KCND2: variants seen among roughly 807,000 people sequenced by gnomAD.
The protein encoded by KCND2 is A-type voltage-gated potassium channel KCND2.
A neutral mutation model predicts 54.4 loss-of-function variants in KCND2; 16 were observed. The observed-to-expected ratio is 0.29, with a 90% CI of 0.20 to 0.45. The LOEUF (loss-of-function observed/expected upper bound fraction) is 0.45. KCND2 is among the 20% of genes least tolerant of loss of function. The probability of loss-of-function intolerance (pLI) is 1.00; values close to 1 mark genes in which losing one functional copy is unlikely to be tolerated. For synonymous variants in KCND2, 317 were observed against 310.7 expected (o/e 1.02, Z -0.21); for missense variants, 486 against 824.2 (o/e 0.59, Z 5.02).
chr7:120,612,184 T>A (rs1169976625), intron 1 of KCND2, among the ~76,000 whole-genome samples: 1 of 152,204 alleles, frequency 6.6e-6, no homozygotes, highest in East Asian at 1.9e-4. Flanking sequence ...AATTTGTATA[T>A]CAAGGGTTGG....
At chr7:120,658,779 A>C (rs141121277) in intron 1 of KCND2, among the ~76,000 whole-genome samples, 206 of 152,344 alleles carry the variant, frequency 1.4e-3, no homozygotes, top group African/African-American at 4.4e-3. Flanking sequence ...ACTGCCTTAC[A>C]TCAAAATACT....
intron 1 of KCND2, among the ~76,000 whole-genome samples, chr7:120,716,994 CAG>C (rs1792611219): frequency 1.3e-5 from 2 of 152,102 alleles, no homozygotes; most frequent in South Asian, 4.2e-4. Flanking sequence ...ATATTAATGA[CAG>C]TAATTAATAA....
chr7:120,480,473 G>A (rs1231060726), intron 1 of KCND2, among the ~76,000 whole-genome samples: 1 of 152,128 alleles, frequency 6.6e-6, no homozygotes, highest in Non-Finnish European at 1.5e-5. Flanking sequence ...GCAAATAAAT[G>A]AGCAGATTGA....
At position 120,512,801 on chromosome 7, in the gene KCND2, CTTTTTTT is replaced by C. The variant is rs796237031; in HGVS notation, c.1116-220093_1116-220087del. 8.7e-3 allele frequency among the ~76,000 whole-genome samples: 1,195 copies of C among 137,418 alleles called. 18 individuals carry two copies. Among genetic ancestry groups the C allele is most frequent in the African/African-American group, 0.029 (1,097 of 37,552 alleles). 90.2% of individuals were successfully genotyped at this position (137,418 alleles called of 152,430 possible). A position where few individuals can be genotyped will look rare whatever the true frequency, so the allele number is the denominator to read the frequency against. ...AGGATGCCTTTGAGGTTTCTTTTTT[CTTTTTTT>C]TTTTTTTTGGAGACAGATTCTTGCT... is the stretch of plus-strand genomic sequence containing the variant. On this transcript the variant is annotated intron_variant, in intron 1 of 5. Transcript: ENST00000331113.
intron 1 of KCND2, among the ~76,000 whole-genome samples, chr7:120,653,475 G>C (rs1224173575): frequency 6.6e-6 from 1 of 152,156 alleles, no homozygotes; most frequent in Non-Finnish European, 1.5e-5. Context: ...TTGGACCTGA[G>C]AGATGGCTTC....
chr7:120,639,300 T>C (rs954683360), intron 1 of KCND2, among the ~76,000 whole-genome samples: 10 of 152,182 alleles, frequency 6.6e-5, no homozygotes, highest in African/African-American at 1.9e-4. Context: ...TCTTTTACTA[T>C]GGGAACTTAG....
At chr7:120,309,956 A>C (rs1334515648) in intron 1 of KCND2, among the ~76,000 whole-genome samples, 1 of 152,126 alleles carries the variant, frequency 6.6e-6, no homozygotes, top group Non-Finnish European at 1.5e-5. Flanking sequence ...TACTCTTTGA[A>C]ATCTTGTGTA....
chr7:120,721,721 G>C (rs1792668966), intron 1 of KCND2, among the ~76,000 whole-genome samples: 1 of 152,134 alleles, frequency 6.6e-6, no homozygotes, highest in African/African-American at 2.4e-5. Flanking sequence ...ATCGTTAGCA[G>C]GGAAGAAGTC....
chr7:120,740,054 T>G (rs1164762151), intron 2 of KCND2, among the ~76,000 whole-genome samples: 1 of 151,922 alleles, frequency 6.6e-6, no homozygotes, highest in Non-Finnish European at 1.5e-5. Flanking sequence ...ACGGAAAGAG[T>G]TCTGAGATGT....
In KCND2 at chr7:120,745,537, T is replaced by C. The variant is rs541191663; in HGVS notation, c.1468-243T>C. On this transcript the variant is annotated intron_variant, in intron 4 of 5. Transcript: ENST00000331113. ...AAATGATATTTCAAGATAAAGTTAGTCTATAAAGGGACACTAAATCAGCCT... is the reference window on the plus strand; with the variant it reads ...AAATGATATTTCAAGATAAAGTTAGCCTATAAAGGGACACTAAATCAGCCT... Among the ~76,000 whole-genome samples the C allele has an allele frequency of 2.5e-3, 383 of 152,150 alleles. 1 individual carries two copies. Among genetic ancestry groups the C allele is most frequent in the Middle Eastern group, 6.8e-3 (2 of 294 alleles).
At chr7:120,673,046 GACA>G (rs1220148411) in intron 1 of KCND2, 5 of 152,086 alleles carry the variant, frequency 3.3e-5, no homozygotes, top group Non-Finnish European at 7.4e-5. Flanking sequence ...CACACAGAGA[GACA>G]ACAAGGATGT....
At chr7:120,620,870 A>T (rs562792283) in intron 1 of KCND2, among the ~76,000 whole-genome samples, 2 of 152,236 alleles carry the variant, frequency 1.3e-5, no homozygotes, top group African/African-American at 4.8e-5. Flanking sequence ...AAATAGTGTT[A>T]TGTGCACCCA....
chr7:120,280,626 C>G (rs1197481037), intron 1 of KCND2, among the ~76,000 whole-genome samples: 2 of 151,906 alleles, frequency 1.3e-5, no homozygotes, highest in Non-Finnish European at 2.9e-5. Context: ...TTCTTATTAC[C>G]TGATCTCTAC....
chr7:120,563,967 A>G (rs1315590897), intron 1 of KCND2, among the ~76,000 whole-genome samples: 1 of 152,220 alleles, frequency 6.6e-6, no homozygotes, highest in East Asian at 1.9e-4. Context: ...TAATCTATCT[A>G]CATGAGGCAA....
At chr7:120,552,580 G>C (rs1160344575) in intron 1 of KCND2, among the ~76,000 whole-genome samples, 2 of 152,234 alleles carry the variant, frequency 1.3e-5, no homozygotes, top group Non-Finnish European at 2.9e-5. Flanking sequence ...GAACAAAGGA[G>C]TGTGAGCTAA....
intron 1 of KCND2, among the ~76,000 whole-genome samples, chr7:120,534,272 T>C (rs905939270): frequency 1.4e-4 from 21 of 152,132 alleles, no homozygotes; most frequent in Admixed American, 2.6e-4. Context: ...TGATAAGTCA[T>C]GTTGATAGCT....
At chr7:120,491,334 G>A (rs1802776003) in intron 1 of KCND2, among the ~76,000 whole-genome samples, 1 of 152,002 alleles carries the variant, frequency 6.6e-6, no homozygotes, top group Admixed American at 6.6e-5. Flanking sequence ...CTATGCACAA[G>A]GAACTAATGT....
chr7:120,722,006 T>C (rs1173043492), intron 1 of KCND2, among the ~76,000 whole-genome samples: 4 of 152,208 alleles, frequency 2.6e-5, no homozygotes, highest in Non-Finnish European at 5.9e-5. Context: ...CCATGTAAGA[T>C]GTCCCTTTGC....
Position 120,728,783 on chromosome 7 carries a change from A to G in KCND2, c.1116-4120A>G, listed in dbSNP as rs546949924. On this transcript the variant is annotated intron_variant, in intron 1 of 5. Coordinates refer to ENST00000331113, the MANE Select transcript of KCND2 (RefSeq NM_012281.3). ...CTGAGTACATAATATAAAATTCTAAAGAAAAACAGAAAGAATGAAATAAAT... is the reference window on the plus strand; with the variant it reads ...CTGAGTACATAATATAAAATTCTAAGGAAAAACAGAAAGAATGAAATAAAT... Among the ~76,000 whole-genome samples the G allele has an allele frequency of 1.3e-4, 20 of 152,240 alleles. 1 individual carries two copies. The highest frequency in any genetic ancestry group is 4.8e-4 in the African/African-American group (20 of 41,562).
Sources: gnomAD v4.1 joint callset for allele counts (sites outside exome capture counted in the v4.1 genomes callset) on GRCh38, gnomAD v4.1.1 for gene constraint, MANE v1.5 for transcripts, NCBI Gene and HGNC (gene_info 2026-07-23, HGNC 2026-07-21) for gene names.